RAPGEF4: variants seen among roughly 807,000 people sequenced by gnomAD.
The protein encoded by RAPGEF4 is RAP guanine-nucleotide-exchange factor (GEF) 4.
RAPGEF4 carries 66 observed loss-of-function variants against 147.9 expected under a neutral mutation model. The ratio of observed to expected loss-of-function variants is 0.45; its 90% confidence interval spans 0.37 to 0.55. The LOEUF (loss-of-function observed/expected upper bound fraction) is 0.55, where lower values mean the gene tolerates loss of function less well. Ranked by LOEUF, RAPGEF4 falls within the 20% of genes least tolerant of loss-of-function variation. RAPGEF4 has a pLI of 0.00. For missense variants in RAPGEF4, 1,071 were observed against 1,257.3 expected, an observed-to-expected ratio of 0.85 and a Z score of 2.24; for synonymous variants, 419 against 442.7, an observed-to-expected ratio of 0.95 and a Z score of 0.67.
At chr2:172,997,414 C>T (rs114430086) in intron 16 of RAPGEF4, among the ~76,000 whole-genome samples, 2,485 of 152,228 alleles carry the variant, frequency 0.016, 71 homozygotes, top group African/African-American at 0.056. Context: ...TTTCCAAAGA[C>T]GATTATATTC....
intron 17 of RAPGEF4, among the ~76,000 whole-genome samples, chr2:173,012,129 A>C (rs1695086426): frequency 6.6e-6 from 1 of 152,186 alleles, no homozygotes; most frequent in South Asian, 2.1e-4. Flanking sequence ...CTCATTTTTC[A>C]CAGTACAAGG....
Position 173,042,440 on chromosome 2 carries a change from T to A in RAPGEF4, c.2853+5748T>A, listed in dbSNP as rs1236683320. Among the ~76,000 whole-genome samples, 1 of 152,056 alleles carries A rather than the reference T, an allele frequency of 6.6e-6. No homozygotes were observed. The highest frequency in any genetic ancestry group is 2.4e-5 in the African/African-American group (1 of 41,400). On this transcript the variant is annotated intron_variant, in intron 29 of 30. Coordinates refer to ENST00000397081, the MANE Select transcript of RAPGEF4 (RefSeq NM_007023.4). This position sits in a 1 kb window ranked among gnomAD's most constrained non-coding sequence, Gnocchi z 4.2. The stretch of plus-strand genomic sequence containing the variant: ...TGGGGTCAGGAGTTCAAGACCAGCC[T>A]GGTAAAACCCCATCTCTACTAAAAA...
intron 19 of RAPGEF4, among the ~76,000 whole-genome samples, chr2:173,016,973 T>C (rs1396837556): frequency 1.3e-5 from 2 of 152,232 alleles, no homozygotes; most frequent in East Asian, 3.8e-4. Flanking sequence ...GCCAGGAATC[T>C]GCCTGTGACA....
chr2:172,875,007 G>C (rs980033635), intron 4 of RAPGEF4, among the ~76,000 whole-genome samples: 2 of 152,218 alleles, frequency 1.3e-5, no homozygotes, highest in African/African-American at 4.8e-5. Flanking sequence ...GTGATGATGA[G>C]CATTTTTTCA....
chr2:172,875,009 A>ATTTTT (rs1255489586), intron 4 of RAPGEF4, among the ~76,000 whole-genome samples: 1 of 152,058 alleles, frequency 6.6e-6, no homozygotes, highest in African/African-American at 2.4e-5. Context: ...GATGATGAGC[A>ATTTTT]TTTTTTCATG....
intron 23 of RAPGEF4, among the ~76,000 whole-genome samples, chr2:173,024,890 A>T (rs930645902): frequency 1.3e-5 from 2 of 152,184 alleles, no homozygotes; most frequent in African/African-American, 4.8e-5. Context: ...AGCAAGTTTC[A>T]TGACAGCTTC....
intron 14 of RAPGEF4, 72 bp downstream of exon 14, chr2:172,988,911 C>A: frequency 6.6e-7 from 1 of 1,503,886 alleles, no homozygotes; most frequent in Non-Finnish European, 9.1e-7. Flanking sequence ...AAGCTTTGAG[C>A]ATAGTCTTAA....
At chr2:172,870,579 G>A (rs944210374) in intron 4 of RAPGEF4, among the ~76,000 whole-genome samples, 3 of 151,962 alleles carry the variant, frequency 2.0e-5, no homozygotes, top group African/African-American at 7.3e-5. Context: ...ACTAGACTGG[G>A]GCTATGGCTT....
intron 10 of RAPGEF4, among the ~76,000 whole-genome samples, chr2:172,973,532 G>A (rs890296386): frequency 5.9e-5 from 9 of 152,232 alleles, no homozygotes; most frequent in African/African-American, 1.7e-4. Flanking sequence ...GAAAGTTCCC[G>A]CAGGGAACTG....
At chr2:172,916,548 C>G (rs1684090151) in intron 4 of RAPGEF4, among the ~76,000 whole-genome samples, 1 of 152,124 alleles carries the variant, frequency 6.6e-6, no homozygotes. Flanking sequence ...AAGGAAATAT[C>G]AGGAATGCAG....
chr2:172,908,480 C>T (rs962950234), intron 4 of RAPGEF4, among the ~76,000 whole-genome samples: 1 of 152,216 alleles, frequency 6.6e-6, no homozygotes, highest in African/African-American at 2.4e-5. Flanking sequence ...GGCCAAACCA[C>T]AACCATAGAA....
intron 4 of RAPGEF4, among the ~76,000 whole-genome samples, chr2:172,892,130 G>A (rs751564826): frequency 2.6e-5 from 4 of 152,132 alleles, no homozygotes; most frequent in Admixed American, 6.5e-5. Context: ...TAGGAGCAGG[G>A]CGGATGTGAG....
chr2:172,922,566 GT>G (rs749856728), intron 6 of RAPGEF4, among the ~76,000 whole-genome samples: 2 of 152,174 alleles, frequency 1.3e-5, no homozygotes, highest in African/African-American at 2.4e-5. Context: ...ATTGCTAAGT[GT>G]TTTCTTTTTC....
intron 1 of RAPGEF4, among the ~76,000 whole-genome samples, chr2:172,747,132 T>C (rs17754423): frequency 3.9e-5 from 6 of 152,250 alleles, no homozygotes; most frequent in African/African-American, 1.4e-4. Context: ...ATGAAGGCAT[T>C]AATGTTTTCC....
intron 6 of RAPGEF4, among the ~76,000 whole-genome samples, chr2:172,925,614 ACACG>A (rs1220829201): frequency 2.0e-5 from 3 of 147,974 alleles, no homozygotes; most frequent in African/African-American, 7.5e-5. Context: ...ACACACACAC[ACACG>A]CTGAATGTGG....
In RAPGEF4 at chr2:173,042,068, G is replaced by C. The variant is rs1003730674; in HGVS notation, c.2853+5376G>C. Reference sequence around the variant, plus strand: ...GCCTTGATAGGGGTTTCACAGCCTGGGATTATCTTCCTGCCTCTTCAATGT... The same window carrying C: ...GCCTTGATAGGGGTTTCACAGCCTGCGATTATCTTCCTGCCTCTTCAATGT... On this transcript the variant is annotated intron_variant, in intron 29 of 30. Coordinates refer to ENST00000397081, the MANE Select transcript of RAPGEF4 (RefSeq NM_007023.4). This position sits in a 1 kb window ranked among gnomAD's most constrained non-coding sequence, Gnocchi z 4.2. Among the ~76,000 whole-genome samples the C allele has an allele frequency of 9.2e-5, 14 of 152,056 alleles. No individual in the cohort carries two copies. Among genetic ancestry groups the C allele is most frequent in the African/African-American group, 3.1e-4 (13 of 41,370 alleles).
intron 16 of RAPGEF4, among the ~76,000 whole-genome samples, chr2:173,000,019 A>G (rs1172257250): frequency 6.6e-6 from 1 of 152,200 alleles, no homozygotes; most frequent in Non-Finnish European, 1.5e-5. Context: ...ATAAGCAAGT[A>G]TTACCTACTC....
chr2:173,025,446 T>C (rs953138554), intron 23 of RAPGEF4, among the ~76,000 whole-genome samples: 2 of 152,228 alleles, frequency 1.3e-5, no homozygotes, highest in African/African-American at 4.8e-5. Context: ...TTTTTTATTT[T>C]ATTTTATTTT....
intron 3 of RAPGEF4, among the ~76,000 whole-genome samples, chr2:172,811,398 T>G (rs1297215082): frequency 6.6e-6 from 1 of 152,242 alleles, no homozygotes; most frequent in Non-Finnish European, 1.5e-5. Flanking sequence ...AATAGGACAT[T>G]CCTTCACTGT....
Sources: gnomAD v4.1 joint callset for allele counts (sites outside exome capture counted in the v4.1 genomes callset) on GRCh38, gnomAD v4.1.1 for gene constraint, Gnocchi (gnomAD v3.1) non-coding constraint, MANE v1.5 for transcripts, NCBI Gene and HGNC (gene_info 2026-07-23, HGNC 2026-07-21) for gene names.